The following LHFPL2 variants were observed in gnomAD, a reference collection of about 807,000 sequenced individuals.
LHFPL2 encodes the protein LHFPL tetraspan subfamily member 2.
LHFPL2 carries 7 observed loss-of-function variants against 17.5 expected under a neutral mutation model. The observed-to-expected ratio is 0.40, with a 90% CI of 0.23 to 0.75. The LOEUF is 0.75. Among genes scored for constraint, LHFPL2 ranks in the 30% least tolerant of loss-of-function variants. The probability of loss-of-function intolerance (pLI) is 0.37; values close to 1 mark genes in which losing one functional copy is unlikely to be tolerated. For missense variants in LHFPL2, 241 were observed against 294.8 expected, an observed-to-expected ratio of 0.82 and a Z score of 1.34; for synonymous variants, 134 against 116.2, an observed-to-expected ratio of 1.15 and a Z score of -0.99.
chr5:78,524,649 C>T (rs1016148767), intron 3 of LHFPL2, among the ~76,000 whole-genome samples: 2 of 146,222 alleles, frequency 1.4e-5, no homozygotes, highest in Admixed American at 7.1e-5. Context: ...GGCTGAGGCA[C>T]AAGAATCGCT....
chr5:78,567,460 AG>A (rs1206499937), intron 2 of LHFPL2, among the ~76,000 whole-genome samples: 1 of 152,162 alleles, frequency 6.6e-6, no homozygotes, highest in Admixed American at 6.5e-5. Flanking sequence ...TTAATATATC[AG>A]GACTGTCAGG....
At chr5:78,613,480 A>G (rs1416327535) in intron 2 of LHFPL2, among the ~76,000 whole-genome samples, 1 of 152,198 alleles carries the variant, frequency 6.6e-6, no homozygotes, top group East Asian at 1.9e-4. Flanking sequence ...AGTCACTTAT[A>G]CTGAGCTTCT....
At chr5:78,507,986 G>A (rs1754985185) in intron 4 of LHFPL2, among the ~76,000 whole-genome samples, 1 of 151,080 alleles carries the variant, frequency 6.6e-6, no homozygotes, top group African/African-American at 2.4e-5. Flanking sequence ...ATGCCCCTGA[G>A]GCACCGTGTG....
chr5:78,514,412 G>T (rs992318447), intron 3 of LHFPL2, among the ~76,000 whole-genome samples: 1 of 151,770 alleles, frequency 6.6e-6, no homozygotes, highest in Non-Finnish European at 1.5e-5. Context: ...TAATACCAGA[G>T]AATAGGGAGC....
chr5:78,496,643 C>T (rs1754616102), intron 4 of LHFPL2, among the ~76,000 whole-genome samples: 1 of 152,104 alleles, frequency 6.6e-6, no homozygotes, highest in African/African-American at 2.4e-5. Context: ...TTCCATATGA[C>T]ACAGCTTAGA....
intron 1 of LHFPL2, chr5:78,642,181 G>C (rs554143373): frequency 6.6e-6 from 1 of 152,148 alleles, no homozygotes; most frequent in Admixed American, 6.5e-5. Flanking sequence ...TCTTATTATG[G>C]AGGTCCCACC....
At chr5:78,543,686 A>G (rs78001910) in intron 3 of LHFPL2, among the ~76,000 whole-genome samples, 1,842 of 152,332 alleles carry the variant, frequency 0.012, 39 homozygotes, top group African/African-American at 0.042. Flanking sequence ...CCCAGGATAC[A>G]GGGGACCAAG....
At chr5:78,632,396 T>G (rs1745285077) in intron 1 of LHFPL2, 28 bp from the exon 2 acceptor site, 1 of 152,208 alleles carries the variant, frequency 6.6e-6, no homozygotes, top group Non-Finnish European at 1.5e-5. Context: ...AAAGTCATTT[T>G]TATTATTAAC....
chr5:78,523,833 A>G (rs1672745951), intron 3 of LHFPL2, among the ~76,000 whole-genome samples: 1 of 152,210 alleles, frequency 6.6e-6, no homozygotes, highest in African/African-American at 2.4e-5. Flanking sequence ...AAAAGTCCCA[A>G]GCAGTACTTT....
At chr5:78,578,613 AC>A (rs1468807080) in intron 2 of LHFPL2, among the ~76,000 whole-genome samples, 8 of 151,740 alleles carry the variant, frequency 5.3e-5, no homozygotes, top group Non-Finnish European at 8.8e-5. Flanking sequence ...ACACACACAC[AC>A]ACACACAGAG....
At chr5:78,585,488 C>G (rs551004512) in intron 2 of LHFPL2, among the ~76,000 whole-genome samples, 1 of 152,310 alleles carries the variant, frequency 6.6e-6, no homozygotes, top group South Asian at 2.1e-4. Flanking sequence ...TGTGCACCCA[C>G]TGACCTGCGC....
chr5:78,584,973 A>G (rs189395432), intron 2 of LHFPL2, among the ~76,000 whole-genome samples: 44 of 131,520 alleles, frequency 3.3e-4, no homozygotes, highest in South Asian at 8.3e-4. Flanking sequence ...CAGGTGCGGG[A>G]TATAATCTCC....
intron 2 of LHFPL2, among the ~76,000 whole-genome samples, chr5:78,589,425 G>A (rs976424717): frequency 2.0e-5 from 3 of 146,984 alleles, no homozygotes; most frequent in Non-Finnish European, 3.0e-5. Context: ...AGCCGAGATC[G>A]CACCACTGCA....
chr5:78,511,391 C>G (rs948002563), intron 3 of LHFPL2, among the ~76,000 whole-genome samples: 5 of 152,220 alleles, frequency 3.3e-5, no homozygotes, highest in Admixed American at 1.3e-4. Context: ...GACATTGCTC[C>G]AGTGGCTCAA....
At chr5:78,520,812 T>G (rs1202890119) in intron 3 of LHFPL2, among the ~76,000 whole-genome samples, 2 of 151,406 alleles carry the variant, frequency 1.3e-5, no homozygotes, top group Non-Finnish European at 1.5e-5. Context: ...GGCTAACTGC[T>G]AACTGCTACA....
chr5:78,623,351 C>T (rs1186978674), intron 2 of LHFPL2, among the ~76,000 whole-genome samples: 2 of 152,200 alleles, frequency 1.3e-5, no homozygotes, highest in African/African-American at 4.8e-5. Context: ...CCCATTAATA[C>T]AGAATTCCAT....
At chr5:78,636,232 A>C (rs1745445216) in intron 1 of LHFPL2, among the ~76,000 whole-genome samples, 1 of 152,216 alleles carries the variant, frequency 6.6e-6, no homozygotes, top group African/African-American at 2.4e-5. Flanking sequence ...CATTCTATTA[A>C]GTTATTCCTG....
At chr5:78,620,636 G>C (rs1744818618) in intron 2 of LHFPL2, among the ~76,000 whole-genome samples, 1 of 152,170 alleles carries the variant, frequency 6.6e-6, no homozygotes, top group Non-Finnish European at 1.5e-5. Context: ...GGGGAAGCAA[G>C]GTTCTACTGG....
At chr5:78,603,378 G>C (rs906148712) in intron 2 of LHFPL2, among the ~76,000 whole-genome samples, 9 of 152,112 alleles carry the variant, frequency 5.9e-5, no homozygotes, top group Non-Finnish European at 4.4e-5. Context: ...CAGTAAAAAG[G>C]GTTTAAACCT....
Sources: allele counts gnomAD v4.1 joint callset (sites outside exome capture counted in the v4.1 genomes callset), GRCh38; gene constraint gnomAD v4.1.1; transcripts MANE v1.5; gene names NCBI Gene and HGNC (gene_info 2026-07-23, HGNC 2026-07-21).